The following CSMD1 variants were observed in gnomAD, a reference collection of about 807,000 sequenced individuals.
CSMD1 encodes CUB and sushi domain-containing protein 1.
In CSMD1, 213 loss-of-function variants were observed where a neutral mutation model predicts 417.5. The observed-to-expected ratio is 0.51, with a 90% CI of 0.46 to 0.57. CSMD1 has a LOEUF of 0.57. Ranked by LOEUF, CSMD1 falls within the 20% of genes least tolerant of loss-of-function variation. The pLI, the probability that CSMD1 is intolerant of heterozygous loss-of-function variation, is 0.00. For synonymous variants in CSMD1, 2,862 were observed against 1,736.8 expected (o/e 1.65, Z -16.11); for missense variants, 6,923 against 4,529.7 (o/e 1.53, Z -15.17).
At chr8:4,788,537 T>G (rs540296620) in intron 1 of CSMD1, 1 of 1,409,894 alleles carries the variant, frequency 7.1e-7, no homozygotes, top group Non-Finnish European at 9.8e-7. Flanking sequence ...TTTGAACACA[T>G]GTATTTCCTT....
In CSMD1 at chr8:3,608,142, C is replaced by A. The variant is rs370459724; in HGVS notation, c.1097+8568G>T. 2.7e-4 allele frequency among the ~76,000 whole-genome samples: 40 copies of A among 149,312 alleles called. 1 individual carries two copies. In the South Asian group the frequency reaches 8.5e-3, roughly 32 times the overall value. On this transcript the variant is annotated intron_variant, in intron 8 of 69. Transcript: ENST00000635120. ...TGAGCCAAGATTGTGCCACTGCCCT[C>A]CAGCCTGGGCAACAGAGCAAGAAGC...
At position 3,559,703 on chromosome 8, in the gene CSMD1, A is replaced by G. The variant is rs79920063; in HGVS notation, c.1344+15242T>C. 2.4e-3 allele frequency among the ~76,000 whole-genome samples: 366 copies of G among 152,304 alleles called. 5 individuals are homozygous for G. In the East Asian group the frequency reaches 0.045, roughly 19 times the overall value. Reference sequence around the variant, plus strand: ...GTATTATATCATGTTTAAAATAATGATCACATATTGATTGTATTTTATACA... The same window carrying G: ...GTATTATATCATGTTTAAAATAATGGTCACATATTGATTGTATTTTATACA... On this transcript the variant is annotated intron_variant, in intron 10 of 69. Transcript: ENST00000635120.
At chr8:4,371,822 G>A (rs929978483) in intron 3 of CSMD1, among the ~76,000 whole-genome samples, 1 of 152,208 alleles carries the variant, frequency 6.6e-6, no homozygotes, top group African/African-American at 2.4e-5. Context: ...AATTGTAGTG[G>A]AGGAACAGGG....
At chr8:4,559,446 G>C (rs1022042573) in intron 2 of CSMD1, among the ~76,000 whole-genome samples, 3 of 151,970 alleles carry the variant, frequency 2.0e-5, no homozygotes, top group Non-Finnish European at 4.4e-5. Context: ...ATAAAGAAGG[G>C]GTTAAAATAT....
chr8:4,223,401 G>A (rs972714698), intron 3 of CSMD1, among the ~76,000 whole-genome samples: 1 of 152,234 alleles, frequency 6.6e-6, no homozygotes. Flanking sequence ...GCCAAGGTAA[G>A]CAGGAAAGGG....
chr8:3,923,860 C>T (rs944784000), intron 5 of CSMD1, among the ~76,000 whole-genome samples: 2 of 152,142 alleles, frequency 1.3e-5, no homozygotes, highest in African/African-American at 4.8e-5. Flanking sequence ...TGAAATCATG[C>T]AGTATTTGTC....
At chr8:4,432,676 T>C (rs1050262085) in intron 2 of CSMD1, among the ~76,000 whole-genome samples, 6 of 152,134 alleles carry the variant, frequency 3.9e-5, no homozygotes, top group Admixed American at 3.9e-4. Context: ...AGAGACAAGA[T>C]TCAAACCCTG....
chr8:4,448,480 C>A (rs980253124), intron 2 of CSMD1, among the ~76,000 whole-genome samples: 17 of 152,154 alleles, frequency 1.1e-4, no homozygotes, highest in Admixed American at 1.0e-3. Flanking sequence ...TCCCAGACAA[C>A]AGCAGAAAGG....
intron 1 of CSMD1, among the ~76,000 whole-genome samples, chr8:4,814,409 C>G (rs1563472340): frequency 6.6e-6 from 1 of 152,158 alleles, no homozygotes; most frequent in South Asian, 2.1e-4. Context: ...CCAAGCCTGG[C>G]TAATTTTTGT....
At chr8:4,740,835 T>C (rs185857430) in intron 1 of CSMD1, among the ~76,000 whole-genome samples, 2 of 152,334 alleles carry the variant, frequency 1.3e-5, no homozygotes, top group Non-Finnish European at 2.9e-5. Context: ...AGGATGAATC[T>C]TAAAGAACAC....
At chr8:3,975,845 G>A (rs564450775) in intron 5 of CSMD1, among the ~76,000 whole-genome samples, 1 of 152,070 alleles carries the variant, frequency 6.6e-6, no homozygotes, top group African/African-American at 2.4e-5. Flanking sequence ...AAAATTTTTA[G>A]TTATTGTTGT....
chr8:3,913,639 C>T (rs540263251), intron 5 of CSMD1, among the ~76,000 whole-genome samples: 1 of 152,246 alleles, frequency 6.6e-6, no homozygotes, highest in South Asian at 2.1e-4. Context: ...TGGAGTCATC[C>T]AGCATTGAGA....
chr8:3,889,381 T>C (rs1044985372), intron 5 of CSMD1, among the ~76,000 whole-genome samples: 1 of 147,814 alleles, frequency 6.8e-6, no homozygotes, highest in African/African-American at 2.5e-5. Context: ...TTTAAAATTT[T>C]AATATTTTTT....
chr8:3,159,163 C>T (rs908736408), intron 38 of CSMD1, among the ~76,000 whole-genome samples: 1 of 152,126 alleles, frequency 6.6e-6, no homozygotes, highest in Non-Finnish European at 1.5e-5. Flanking sequence ...TAGGGAAAAA[C>T]ATAGAGTTCA....
At chr8:3,501,093 C>T (rs148174242) in intron 10 of CSMD1, among the ~76,000 whole-genome samples, 1 of 151,990 alleles carries the variant, frequency 6.6e-6, no homozygotes, top group African/African-American at 2.4e-5. Flanking sequence ...ATAAAATATA[C>T]TATATAGTTT....
At chr8:3,447,694 C>G (rs927291385) in intron 12 of CSMD1, among the ~76,000 whole-genome samples, 2 of 152,180 alleles carry the variant, frequency 1.3e-5, no homozygotes, top group South Asian at 4.1e-4. Context: ...GCTCCCACTT[C>G]CTGGGGGTTT....
At chr8:4,268,036 C>T (rs1233196802) in intron 3 of CSMD1, among the ~76,000 whole-genome samples, 1 of 152,036 alleles carries the variant, frequency 6.6e-6, no homozygotes, top group Non-Finnish European at 1.5e-5. Context: ...CGAGGTCATT[C>T]TTGAAAAGTG....
intron 10 of CSMD1, among the ~76,000 whole-genome samples, chr8:3,500,579 A>C (rs991346466): frequency 3.3e-5 from 5 of 152,346 alleles, no homozygotes; most frequent in Admixed American, 1.3e-4. Flanking sequence ...GAAATGACAA[A>C]GAAAAAAGAA....
At position 2,962,494 on chromosome 8, in the gene CSMD1, C is replaced by A. The variant is rs764774756; in HGVS notation, c.9600G>T (p.Thr3200=). The A allele has an allele frequency of 1.9e-6, 3 of 1,613,886 alleles. No homozygotes were observed. The highest frequency in any genetic ancestry group is 8.5e-7 in the Non-Finnish European group (1 of 1,179,800). The part of the protein sequence containing the change: ...SSRRVCQADG[T]WSGIQPTCID... ...TGCAGGTGGGTTGTATGCCGCTCCACGTGCCGTCAGCTTGGCAGACTCTTC... is the reference window on the plus strand; with the variant it reads ...TGCAGGTGGGTTGTATGCCGCTCCAAGTGCCGTCAGCTTGGCAGACTCTTC... The change falls in exon 61 of 70, where the codon ACG becomes ACT. Residue 3200 remains threonine, a synonymous_variant. Coordinates refer to ENST00000635120, the MANE Select transcript of CSMD1 (RefSeq NM_033225.6).
Sources: gnomAD v4.1 joint callset for allele counts (sites outside exome capture counted in the v4.1 genomes callset) on GRCh38, gnomAD v4.1.1 for gene constraint, MANE v1.5 for transcripts, NCBI Gene and HGNC (gene_info 2026-07-23, HGNC 2026-07-21) for gene names.